The following COL23A1 variants were observed in gnomAD, a reference collection of about 807,000 sequenced individuals.
COL23A1 encodes collagen type XXIII alpha 1 chain, also known as collagen alpha-1(XXIII) chain.
COL23A1 carries 97 observed loss-of-function variants against 99.3 expected under a neutral mutation model. The observed-to-expected ratio is 0.98, with a 90% CI of 0.83 to 1.16. The LOEUF (loss-of-function observed/expected upper bound fraction) is 1.16, where lower values mean the gene tolerates loss of function less well. Ranked by LOEUF, COL23A1 falls within the 50% of genes most tolerant of loss-of-function variation. The probability of loss-of-function intolerance (pLI) is 0.00; values close to 1 mark genes in which losing one functional copy is unlikely to be tolerated. For missense variants in COL23A1, 762 were observed against 757.4 expected, an observed-to-expected ratio of 1.01 and a Z score of -0.07; for synonymous variants, 320 against 308.2, an observed-to-expected ratio of 1.04 and a Z score of -0.40.
intron 2 of COL23A1, among the ~76,000 whole-genome samples, chr5:178,331,557 C>A (rs911693214): frequency 6.6e-6 from 1 of 152,220 alleles, no homozygotes. Flanking sequence ...GAATCCGCGG[C>A]CCTCGGGGCA....
chr5:178,465,722 G>A (rs1317559542), intron 2 of COL23A1, among the ~76,000 whole-genome samples: 10 of 152,200 alleles, frequency 6.6e-5, no homozygotes, highest in East Asian at 3.9e-4. Context: ...GCGGGGTGGC[G>A]GTCACGTCCT....
At chr5:178,431,507 G>T (rs1766263538) in intron 2 of COL23A1, among the ~76,000 whole-genome samples, 1 of 152,228 alleles carries the variant, frequency 6.6e-6, no homozygotes, top group South Asian at 2.1e-4. Flanking sequence ...GACTATTCTA[G>T]ATTAGTTTGG....
intron 2 of COL23A1, among the ~76,000 whole-genome samples, chr5:178,342,951 C>T (rs928777470): frequency 2.0e-5 from 3 of 152,214 alleles, no homozygotes; most frequent in African/African-American, 4.8e-5. Flanking sequence ...AAGACTTGGA[C>T]AGAACCACAC....
chr5:178,540,690 C>A (rs111665586), intron 2 of COL23A1, among the ~76,000 whole-genome samples: 1 of 151,810 alleles, frequency 6.6e-6, no homozygotes, highest in Non-Finnish European at 1.5e-5. Context: ...GGGAGGCTGA[C>A]GTGGGAGGAT....
At position 178,370,020 on chromosome 5, in the gene COL23A1, C is replaced by T. The variant is rs561641745; in HGVS notation, c.362-63101G>A. 2.0e-5 allele frequency among the ~76,000 whole-genome samples: 3 copies of T among 152,310 alleles called. No homozygotes were observed. In the South Asian group the frequency reaches 6.2e-4, roughly 32 times the overall value. On this transcript the variant is annotated intron_variant, in intron 2 of 28. Transcript: ENST00000390654. ...CCAGCTGGAGGAACCACTGAGGGCACATGCAGAATAGCACCCAACCAGCAC... is the reference window on the plus strand; with the variant it reads ...CCAGCTGGAGGAACCACTGAGGGCATATGCAGAATAGCACCCAACCAGCAC...
chr5:178,389,378 C>T (rs921344450), intron 2 of COL23A1, among the ~76,000 whole-genome samples: 5 of 152,196 alleles, frequency 3.3e-5, no homozygotes, highest in Non-Finnish European at 7.3e-5. Flanking sequence ...AGACTCACAG[C>T]ACACAGCAAC....
intron 2 of COL23A1, among the ~76,000 whole-genome samples, chr5:178,405,857 C>T (rs1419576237): frequency 1.3e-5 from 2 of 152,236 alleles, no homozygotes; most frequent in East Asian, 1.9e-4. Flanking sequence ...AATCCCAGCA[C>T]TTTGGGAGGT....
intron 2 of COL23A1, among the ~76,000 whole-genome samples, chr5:178,362,770 C>T (rs1306278876): frequency 6.6e-6 from 1 of 152,188 alleles, no homozygotes; most frequent in Non-Finnish European, 1.5e-5. Context: ...GAAGGTGAAG[C>T]CGGCACAGAG....
chr5:178,399,919 C>T (rs1360239994), intron 2 of COL23A1, among the ~76,000 whole-genome samples: 2 of 152,192 alleles, frequency 1.3e-5, no homozygotes, highest in Admixed American at 6.5e-5. Context: ...CGGATCCACC[C>T]GCGTCCATGC....
At chr5:178,577,402 G>A (rs1349871730) in intron 1 of COL23A1, among the ~76,000 whole-genome samples, 5 of 152,232 alleles carry the variant, frequency 3.3e-5, no homozygotes, top group Non-Finnish European at 5.9e-5. Context: ...CGCATCCGGA[G>A]GCCCAGGGGT....
At chr5:178,244,015 T>C (rs1764544190) in intron 25 of COL23A1, among the ~76,000 whole-genome samples, 1 of 152,238 alleles carries the variant, frequency 6.6e-6, no homozygotes, top group South Asian at 2.1e-4. Context: ...AGTCTCACTC[T>C]GTTGCCCAGG....
In COL23A1 at chr5:178,261,768, G is replaced by A. The variant is rs1765639409; in HGVS notation, c.676-20C>T. 4 of 1,598,472 alleles carry A rather than the reference G, an allele frequency of 2.5e-6. No individual in the cohort carries two copies. The highest frequency in any genetic ancestry group is 3.4e-6 in the Non-Finnish European group (4 of 1,165,530). On this transcript the variant is annotated intron_variant, in intron 10 of 28. Coordinates refer to ENST00000390654, the MANE Select transcript of COL23A1 (RefSeq NM_173465.4). ...TGGGCCCTGGAACAAGAGAAGAGAA[G>A]GTGTTAAATGTCATACTGGAGGCTG...
At chr5:178,246,592 T>TC in intron 22 of COL23A1, 139 bp from the exon 23 acceptor site, 1 of 819,750 alleles carries the variant, frequency 1.2e-6, no homozygotes, top group Middle Eastern at 3.6e-4. Context: ...CCCAGCTTAC[T>TC]CCCTGGTGAG....
Position 178,387,336 on chromosome 5 carries a change from T to C in COL23A1, c.362-80417A>G, listed in dbSNP as rs1763726905. 6.6e-6 allele frequency among the ~76,000 whole-genome samples: 1 copy of C among 152,160 alleles called. No homozygotes were observed. On this transcript the variant is annotated intron_variant, in intron 2 of 28. Transcript: ENST00000390654. This position sits in a 1 kb window ranked among gnomAD's most constrained non-coding sequence, Gnocchi z 4.7. Reference sequence around the variant, plus strand: ...CACATGCCCTTCAAATGTCCAGCCCTGGTCAAACTGACCCGCTCACAAGTC... The same window carrying C: ...CACATGCCCTTCAAATGTCCAGCCCCGGTCAAACTGACCCGCTCACAAGTC...
intron 2 of COL23A1, among the ~76,000 whole-genome samples, chr5:178,371,266 C>T (rs1240609834): frequency 6.6e-6 from 1 of 152,200 alleles, no homozygotes; most frequent in African/African-American, 2.4e-5. Flanking sequence ...TCTCCACTTC[C>T]CTATCCTACA....
chr5:178,499,979 C>T (rs146274837), intron 2 of COL23A1, among the ~76,000 whole-genome samples: 1 of 152,126 alleles, frequency 6.6e-6, no homozygotes, highest in Non-Finnish European at 1.5e-5. Flanking sequence ...TGTATGATTA[C>T]AGTTACATAG....
In COL23A1 at chr5:178,241,949, C is replaced by T; in HGVS notation, c.1581+93G>A. The stretch of plus-strand genomic sequence containing the variant: ...TGCGTGACCAGTGGGGCCTCTGGGA[C>T]TTGCAGCTGAGTTCCGAGGACAGGG... On this transcript the variant is annotated intron_variant, in intron 27 of 28. Transcript: ENST00000390654. 6.4e-6 allele frequency: 6 copies of T among 939,174 alleles called. No homozygotes were observed. In the Admixed American group the frequency reaches 7.2e-5, roughly 11 times the overall value. The allele number at this position is 939,174 out of a possible 1,614,324, so 58.2% of individuals were successfully genotyped here.
At position 178,365,465 on chromosome 5, in the gene COL23A1, T is replaced by C. The variant is rs956188558; in HGVS notation, c.362-58546A>G. On this transcript the variant is annotated intron_variant, in intron 2 of 28. Coordinates refer to ENST00000390654, the MANE Select transcript of COL23A1 (RefSeq NM_173465.4). The surrounding 1 kb of genome is among the most constrained non-coding windows in gnomAD (Gnocchi z 5.2). ...GGGTACCCGCCACCCAATCCCTCTTTCTTTTGACGGGTACCCGCCACCCAA... is the reference window on the plus strand; with the variant it reads ...GGGTACCCGCCACCCAATCCCTCTTCCTTTTGACGGGTACCCGCCACCCAA... Among the ~76,000 whole-genome samples the C allele has an allele frequency of 6.6e-6, 1 of 151,718 alleles. No homozygotes were observed. Among genetic ancestry groups the C allele is most frequent in the African/African-American group, 2.4e-5 (1 of 41,298 alleles).
chr5:178,384,451 C>A lies in COL23A1; in HGVS notation c.362-77532G>T, dbSNP rs1763558341. The stretch of plus-strand genomic sequence containing the variant: ...GGCTTCGGCTTTCCAAGCCAGACCT[C>A]TCCTCCCTGCCCACCCCTCCCTCGG... On this transcript the variant is annotated intron_variant, in intron 2 of 28. Transcript: ENST00000390654. The surrounding 1 kb of genome is among the most constrained non-coding windows in gnomAD (Gnocchi z 5.5). 6.6e-6 allele frequency among the ~76,000 whole-genome samples: 1 copy of A among 152,234 alleles called. No individual in the cohort carries two copies. The highest frequency in any genetic ancestry group is 2.4e-5 in the African/African-American group (1 of 41,466).
Sources: gnomAD v4.1 joint callset for allele counts (sites outside exome capture counted in the v4.1 genomes callset) on GRCh38, gnomAD v4.1.1 for gene constraint, Gnocchi (gnomAD v3.1) non-coding constraint, MANE v1.5 for transcripts, NCBI Gene and HGNC (gene_info 2026-07-23, HGNC 2026-07-21) for gene names.